DSP: variants seen among roughly 807,000 people sequenced by gnomAD.
The protein encoded by DSP is 250/210 kDa paraneoplastic pemphigus antigen.
A neutral mutation model predicts 290.6 loss-of-function variants in DSP; 114 were observed. The observed-to-expected ratio is 0.39, with a 90% CI of 0.34 to 0.46. The LOEUF (loss-of-function observed/expected upper bound fraction) is 0.46, where lower values mean the gene tolerates loss of function less well. Among genes scored for constraint, DSP ranks in the 20% least tolerant of loss-of-function variants. DSP has a pLI of 0.99. For missense variants in DSP, 3,230 were observed against 3,495.8 expected, an observed-to-expected ratio of 0.92 and a Z score of 1.92; for synonymous variants, 1,311 against 1,316.4, an observed-to-expected ratio of 1.00 and a Z score of 0.09.
intron 1 of DSP, among the ~76,000 whole-genome samples, chr6:7,542,909 T>C (rs145381179): frequency 6.8e-6 from 1 of 146,772 alleles, no homozygotes; most frequent in Non-Finnish European, 1.5e-5. Flanking sequence ...GCCGCATGTC[T>C]GCTTTGATCC....
Position 7,569,313 on chromosome 6 carries a change from A to G in DSP, c.1547A>G (p.Asn516Ser). The G allele has an allele frequency of 6.2e-7, 1 of 1,613,982 alleles. No homozygotes were observed. Among genetic ancestry groups the G allele is most frequent in the South Asian group, 1.1e-5 (1 of 91,068 alleles). Residue 516 changes from asparagine to serine, a missense_variant, in exon 12 of 24, where the codon AAC becomes AGC. Asn to Ser is a conservative substitution (Grantham distance 46). This residue lies in a region of DSP where 646 missense variants were observed against 684.3 expected (regional missense o/e 0.94). Coordinates refer to ENST00000379802, the MANE Select transcript of DSP (RefSeq NM_004415.4). ...PSVGLIIPPP[N>S]PLAVDLSCKI... ...GTGGGGCTGATCATCCCTCCTCCGA[A>G]CCCACTGGCCGTGGACCTCTCTTGC... is the stretch of plus-strand genomic sequence containing the variant.
rs139699909 is a variant in DSP, at chr6:7,563,621, T to C, written c.727-115T>C. The C allele has an allele frequency of 9.9e-3, 8,694 of 879,672 alleles. 75 individuals carry two copies. The highest frequency in any genetic ancestry group is 0.029 in the South Asian group (2,106 of 72,444). 54.5% of individuals were successfully genotyped at this position (879,672 alleles called of 1,614,324 possible). A position where few individuals can be genotyped will look rare whatever the true frequency, so the allele number is the denominator to read the frequency against. The stretch of plus-strand genomic sequence containing the variant: ...ATCTCATAGAGCTAGTAATTCTTTC[T>C]TTCTATGGAGGGATCTGAGGCCAGT... On this transcript the variant is annotated intron_variant, in intron 5 of 23. Coordinates refer to ENST00000379802, the MANE Select transcript of DSP (RefSeq NM_004415.4).
At chr6:7,557,779 A>G (rs373821797) in intron 2 of DSP, among the ~76,000 whole-genome samples, 4 of 46,476 alleles carry the variant, frequency 8.6e-5, no homozygotes, top group South Asian at 3.8e-4. Context: ...GTACCACTGT[A>G]CCATAATGGT....
At chr6:7,569,764 G>C (rs960394698) in intron 12 of DSP, among the ~76,000 whole-genome samples, 5 of 152,046 alleles carry the variant, frequency 3.3e-5, no homozygotes, top group Admixed American at 2.6e-4. Context: ...AACCTGGGAG[G>C]GGGAGGTTGC....
chr6:7,582,139 GGTGTGTGTGT>G lies in DSP; in HGVS notation c.5380-484_5380-475del, dbSNP rs10545097. Among the ~76,000 whole-genome samples, 1 of 143,792 alleles carries G rather than the reference GGTGTGTGTGT, an allele frequency of 7.0e-6. No homozygotes were observed. Among genetic ancestry groups the G allele is most frequent in the Non-Finnish European group, 1.5e-5 (1 of 66,026 alleles). The allele number at this position is 143,792 out of a possible 152,430, so 94.3% of individuals were successfully genotyped here. A position where few individuals can be genotyped will look rare whatever the true frequency, so the allele number is the denominator to read the frequency against. The stretch of plus-strand genomic sequence containing the variant: ...GACAATATTTGTGTGTGGCTGGGTT[GGTGTGTGTGT>G]GTGTGTGTGTGTGTGTGTATATCTA... On this transcript the variant is annotated intron_variant, in intron 23 of 23. Coordinates refer to ENST00000379802, the MANE Select transcript of DSP (RefSeq NM_004415.4). This position sits in a 1 kb window ranked among gnomAD's most constrained non-coding sequence, Gnocchi z 4.2.
At chr6:7,574,620 C>A (rs1464700626) in intron 16 of DSP, 37 bp from the exon 17 acceptor site, 1 of 1,613,720 alleles carries the variant, frequency 6.2e-7, no homozygotes, top group Non-Finnish European at 8.5e-7. Context: ...CTAATTATGT[C>A]ACTGGCAATT....
chr6:7,549,307 G>A (rs922816823), intron 1 of DSP, among the ~76,000 whole-genome samples: 1 of 152,034 alleles, frequency 6.6e-6, no homozygotes, highest in Non-Finnish European at 1.5e-5. Flanking sequence ...GCGCCACCAC[G>A]CCAGGCTAAT....
intron 12 of DSP, among the ~76,000 whole-genome samples, chr6:7,569,579 A>G (rs1184764806): frequency 6.6e-6 from 1 of 152,252 alleles, no homozygotes. Context: ...TTATGCCTGT[A>G]ATCCCAGCAC....
chr6:7,554,422 C>T (rs938093496), intron 1 of DSP, among the ~76,000 whole-genome samples: 4 of 152,244 alleles, frequency 2.6e-5, no homozygotes, highest in East Asian at 3.9e-4. Flanking sequence ...CCAACACCAC[C>T]GTTGTTTTAA....
rs1272159415 is a variant in DSP, at chr6:7,559,500, C to T, written c.597+100C>T. ...GTGTGACAAAGAGTCTTCTAGACCT[C>T]AGGTGGCGGCAGCAGCTTGCTGTTT... On this transcript the variant is annotated intron_variant, in intron 4 of 23. Transcript: ENST00000379802. 3 of 1,454,252 alleles carry T rather than the reference C, an allele frequency of 2.1e-6. No homozygotes were observed. In the African/African-American group the frequency reaches 4.2e-5, roughly 20 times the overall value. The allele number at this position is 1,454,252 out of a possible 1,614,324, so 90.1% of individuals were successfully genotyped here. A position where few individuals can be genotyped will look rare whatever the true frequency, so the allele number is the denominator to read the frequency against.
rs561277476 is a variant in DSP, at chr6:7,567,627, C to T, written c.1141-154C>T. Among the ~76,000 whole-genome samples the T allele has an allele frequency of 6.6e-5, 10 of 152,256 alleles. 1 individual carries two copies. The highest frequency in any genetic ancestry group is 1.7e-4 in the African/African-American group (7 of 41,534). On this transcript the variant is annotated intron_variant, in intron 9 of 23. Coordinates refer to ENST00000379802, the MANE Select transcript of DSP (RefSeq NM_004415.4). The stretch of plus-strand genomic sequence containing the variant: ...GCCATCAGTCCTACAAATAGTTTCC[C>T]GCTGCCACATACCTAAATACTTTCT...
In DSP at chr6:7,581,310, A is replaced by G. The variant is rs768870428; in HGVS notation, c.5120A>G (p.Gln1707Arg). The change falls in exon 23 of 24, where the codon CAG becomes CGG. Residue 1707 changes from glutamine to arginine, a missense_variant. By Grantham distance (43) the Gln-to-Arg change is conservative (BLOSUM62 1). Around this residue, in one of 5 missense-constraint regions of DSP, gnomAD observed 1,714 missense variants for 1,844.5 expected, o/e 0.93. Transcript: ENST00000379802. ...AGCAAAATAGAAATTGAGAGGCTGC[A>G]GTCTCTCACAGAGAACCTGACCAAG... ...NESKIEIERL[Q>R]SLTENLTKEH... 38 of 1,614,218 alleles carry G rather than the reference A, an allele frequency of 2.4e-5. No individual in the cohort carries two copies. The highest frequency in any genetic ancestry group is 3.1e-5 in the Non-Finnish European group (37 of 1,180,046).
chr6:7,583,286 C>G lies in DSP; in HGVS notation c.6024C>G (p.Ile2008Met). 6.2e-7 allele frequency: 1 copy of G among 1,614,200 alleles called. No homozygotes were observed. Among genetic ancestry groups the G allele is most frequent in the Non-Finnish European group, 8.5e-7 (1 of 1,180,030 alleles). Residue 2008 changes from isoleucine (I) to methionine (M), a missense_variant, in exon 24 of 24, where the codon ATC becomes ATG. By Grantham distance (10) the Ile-to-Met change is conservative. Transcript: ENST00000379802. This position sits in a 1 kb window ranked among gnomAD's most constrained non-coding sequence, Gnocchi z 4.0. ...KKSVEEVASE[I>M]QPFLRGAGSI... ...CAGTGGAAGAAGTTGCTTCTGAAAT[C>G]CAGCCATTCCTTCGGGGTGCAGGAT...
In DSP at chr6:7,562,781, G is replaced by A. The variant is rs111295218; in HGVS notation, c.726+1G>A. 1 of 1,613,992 alleles carries A rather than the reference G, an allele frequency of 6.2e-7. No individual in the cohort carries two copies. The highest frequency in any genetic ancestry group is 1.1e-5 in the South Asian group (1 of 91,074). On this transcript the variant is annotated splice_donor_variant, in intron 5 of 23. Coordinates refer to ENST00000379802, the MANE Select transcript of DSP (RefSeq NM_004415.4). LOFTEE classifies it high-confidence loss of function. ...GCTGGACAAAATCAAAGCCGACCTG[G>A]TACTTGTCTGTGTTTCATTTTAGAG...
chr6:7,571,631 TTA>T, intron 14 of DSP, 47 bp downstream of exon 14: 1 of 1,611,854 alleles, frequency 6.2e-7, no homozygotes. Flanking sequence ...CCATACCATT[TTA>T]AAAAGAAGGG....
rs1581817246 is a variant in DSP, at chr6:7,580,429, G to A, written c.4239G>A (p.Lys1413=). 6.2e-7 allele frequency: 1 copy of A among 1,613,960 alleles called. No homozygotes were observed. Among genetic ancestry groups the A allele is most frequent in the African/African-American group, 1.3e-5 (1 of 74,962 alleles). Residue 1413 remains lysine, a synonymous_variant, in exon 23 of 24, where the codon AAG becomes AAA. Transcript: ENST00000379802. This position sits in a 1 kb window ranked among gnomAD's most constrained non-coding sequence, Gnocchi z 4.2. The part of the protein sequence containing the change: ...RSLSEEIKRL[K]NTLTQTTENL... ...TATCTGAAGAAATAAAGAGGCTGAA[G>A]AACACTCTAACCCAGACCACAGAGA...
At chr6:7,561,173 C>T (rs1048081482) in intron 4 of DSP, among the ~76,000 whole-genome samples, 4 of 152,094 alleles carry the variant, frequency 2.6e-5, no homozygotes, top group Non-Finnish European at 5.9e-5. Context: ...AGGCTGATCT[C>T]GAACTCCTGA....
chr6:7,581,505 A>G lies in DSP; in HGVS notation c.5315A>G (p.Asp1772Gly), dbSNP rs1759440895. The G allele has an allele frequency of 6.2e-7, 1 of 1,614,116 alleles. No homozygotes were observed. Among genetic ancestry groups the G allele is most frequent in the Non-Finnish European group, 8.5e-7 (1 of 1,180,024 alleles). The change falls in exon 23 of 24, where the codon GAT (aspartate) becomes GGT (glycine). Residue 1772 changes from aspartate to glycine, a missense_variant. Coordinates refer to ENST00000379802, the MANE Select transcript of DSP (RefSeq NM_004415.4). ...CTGGAACTGCAGGGGCTGATTAATGATTTACAGAGAGAGAGGGAAAATTTG... is the reference window on the plus strand; with the variant it reads ...CTGGAACTGCAGGGGCTGATTAATGGTTTACAGAGAGAGAGGGAAAATTTG... ...RTLELQGLIN[D>G]LQRERENLRQ... is the part of the protein sequence containing the mutation.
rs750002624 is a variant in DSP at position 7,583,333 on chromosome 6, C to T, written c.6071C>T (p.Ser2024Phe). Residue 2024 changes from serine to phenylalanine, a missense_variant, in exon 24 of 24, where the codon TCT becomes TTT. By Grantham distance (155) the Ser-to-Phe change is radical (BLOSUM62 -2). Coordinates refer to ENST00000379802, the MANE Select transcript of DSP (RefSeq NM_004415.4). This position sits in a 1 kb window ranked among gnomAD's most constrained non-coding sequence, Gnocchi z 4.0. ...GAGSIAGASA[S>F]PKEKYSLVEA... ...GGATCTATCGCTGGAGCATCTGCTT[C>T]TCCTAAGGAAAAATACTCTTTGGTA... 6.2e-7 allele frequency: 1 copy of T among 1,614,188 alleles called. No individual in the cohort carries two copies. Among genetic ancestry groups the T allele is most frequent in the Non-Finnish European group, 8.5e-7 (1 of 1,180,032 alleles).
Sources: gnomAD v4.1 joint callset for allele counts (sites outside exome capture counted in the v4.1 genomes callset) on GRCh38, gnomAD v4.1.1 for gene constraint, gnomAD v4.1.1 regional missense constraint, Gnocchi (gnomAD v3.1) non-coding constraint, MANE v1.5 for transcripts, NCBI Gene and HGNC (gene_info 2026-07-23, HGNC 2026-07-21) for gene names.